Variants in USP24 observed in about 807,000 individuals in gnomAD.
USP24 encodes ubiquitin carboxyl-terminal hydrolase 24.
In USP24, 97 loss-of-function variants were observed where a neutral mutation model predicts 361.6. The ratio of observed to expected loss-of-function variants is 0.27; its 90% CI spans 0.23 to 0.32. The LOEUF (loss-of-function observed/expected upper bound fraction) is 0.32. Among genes scored for constraint, USP24 ranks in the 10% least tolerant of loss-of-function variants. USP24 has a pLI of 1.00. For synonymous variants in USP24, 1,098 were observed against 1,124.6 expected, an observed-to-expected ratio of 0.98 and a Z score of 0.47; for missense variants, 2,353 against 3,165.6, an observed-to-expected ratio of 0.74 and a Z score of 6.16.
intron 1 of USP24, among the ~76,000 whole-genome samples, chr1:55,184,580 T>C (rs1261176314): frequency 6.6e-6 from 1 of 152,106 alleles, no homozygotes; most frequent in Non-Finnish European, 1.5e-5. Context: ...ATAAACCAAA[T>C]AGACCTAAAA....
chr1:55,145,133 G>T (rs1646994362), intron 20 of USP24, among the ~76,000 whole-genome samples: 1 of 152,150 alleles, frequency 6.6e-6, no homozygotes. Flanking sequence ...TTAATTATAT[G>T]TCAGAACAAT....
In USP24 at chr1:55,071,875, C is replaced by T. The variant is rs764118354; in HGVS notation, c.7739G>A (p.Gly2580Glu). ...TALLNEKEQS[G>E]SSNGSESSPA... is the part of the protein sequence containing the mutation. The stretch of plus-strand genomic sequence containing the variant: ...ACTACTCTCCGACCCATTACTGCTT[C>T]CTGATTGCTCTTTTTCATTCAACAA... Residue 2580 changes from glycine to glutamate, a missense_variant, in exon 67 of 68, where the codon GGA becomes GAA. Physicochemically the swap from Gly to Glu is moderately conservative, Grantham distance 98. Around this residue, in one of 8 missense-constraint regions of USP24, gnomAD observed 53 missense variants for 57.7 expected, o/e 0.92. Transcript: ENST00000294383. 2 of 1,613,276 alleles carry T rather than the reference C, an allele frequency of 1.2e-6. No individual in the cohort carries two copies.
chr1:55,182,968 C>G (rs1158499722), intron 1 of USP24, among the ~76,000 whole-genome samples: 1 of 152,168 alleles, frequency 6.6e-6, no homozygotes, highest in Non-Finnish European at 1.5e-5. Flanking sequence ...ATCTGCCCGC[C>G]TGGGCCTCCC....
At chr1:55,159,729 C>A in intron 8 of USP24, 44 bp from the exon 9 acceptor site, 2 of 1,489,342 alleles carry the variant, frequency 1.3e-6, no homozygotes, top group Non-Finnish European at 1.8e-6. Context: ...CGAAGCTGTC[C>A]CAAAAGTAGA....
At chr1:55,195,777 G>GC (rs1644401314) in intron 1 of USP24, among the ~76,000 whole-genome samples, 1 of 152,184 alleles carries the variant, frequency 6.6e-6, no homozygotes, top group Non-Finnish European at 1.5e-5. Context: ...AGTGGTGGGT[G>GC]CCAGGAGCTA....
At chr1:55,214,470 C>G (rs1644931438) in intron 1 of USP24, among the ~76,000 whole-genome samples, 1 of 152,116 alleles carries the variant, frequency 6.6e-6, no homozygotes, top group South Asian at 2.1e-4. Flanking sequence ...GGATGATAGC[C>G]CTGGAGCCTC....
At chr1:55,099,718 C>T (rs924702803) in intron 45 of USP24, 53 bp downstream of exon 45, 24 of 1,292,408 alleles carry the variant, frequency 1.9e-5, no homozygotes, top group Non-Finnish European at 2.6e-5. Flanking sequence ...ACACTATTCT[C>T]ATACTATAAT....
intron 7 of USP24, among the ~76,000 whole-genome samples, chr1:55,163,280 C>A (rs550818923): frequency 1.3e-5 from 2 of 151,718 alleles, no homozygotes; most frequent in Admixed American, 1.3e-4. Context: ...AATTTGACTA[C>A]GTAAAAGTCT....
At chr1:55,207,266 G>A (rs185632580) in intron 1 of USP24, among the ~76,000 whole-genome samples, 65 of 147,620 alleles carry the variant, frequency 4.4e-4, no homozygotes, top group African/African-American at 1.6e-3. Flanking sequence ...GACAATATAG[G>A]AGAAATGGAA....
chr1:55,097,982 T>G lies in USP24; in HGVS notation c.5556A>C (p.Glu1852Asp). 6.2e-7 allele frequency: 1 copy of G among 1,613,510 alleles called. No homozygotes were observed. Among genetic ancestry groups the G allele is most frequent in the Non-Finnish European group, 8.5e-7 (1 of 1,179,726 alleles). Residue 1852 changes from glutamate to aspartate, a missense_variant, in exon 47 of 68, where the codon GAA (glutamate) becomes GAC (aspartate). Physicochemically the swap from Glu to Asp is conservative, Grantham distance 45 (BLOSUM62 2). Around this residue, in one of 8 missense-constraint regions of USP24, gnomAD observed 105 missense variants for 200.3 expected, o/e 0.52. Coordinates refer to ENST00000294383, the MANE Select transcript of USP24 (RefSeq NM_015306.3). ...TTTCACAGTAGTACGCATTACTTCCTTCTAGAACTTCTCCTCTAACAAATT... is the reference window on the plus strand; with the variant it reads ...TTTCACAGTAGTACGCATTACTTCCGTCTAGAACTTCTCCTCTAACAAATT... ...LDQFVRGEVL[E>D]GSNAYYCEKC...
Position 55,121,452 on chromosome 1 carries a change from C to A in USP24, c.4331G>T (p.Gly1444Val). 1.2e-6 allele frequency: 2 copies of A among 1,613,426 alleles called. No individual in the cohort carries two copies. The highest frequency in any genetic ancestry group is 1.7e-6 in the Non-Finnish European group (2 of 1,179,716). ...VADFIIDILL[G>V]SPSAEIRRVA... ...AATCCTTACCTCAGCACTTGGTGATCCGAGCAGAATATCAATGATGAAATC... is the reference window on the plus strand; with the variant it reads ...AATCCTTACCTCAGCACTTGGTGATACGAGCAGAATATCAATGATGAAATC... Residue 1444 changes from glycine to valine, a missense_variant, in exon 37 of 68, where the codon GGA becomes GTA. Gly to Val is a moderately radical substitution (Grantham distance 109, BLOSUM62 -3). Transcript: ENST00000294383.
chr1:55,127,910 C>G (rs1057039005), intron 32 of USP24, among the ~76,000 whole-genome samples: 1 of 152,130 alleles, frequency 6.6e-6, no homozygotes, highest in Non-Finnish European at 1.5e-5. Context: ...TACCTTCCTG[C>G]CTTACACTTG....
intron 5 of USP24, among the ~76,000 whole-genome samples, chr1:55,171,027 CCAAA>C (rs1649392505): frequency 6.6e-6 from 1 of 152,100 alleles, no homozygotes; most frequent in African/African-American, 2.4e-5. Context: ...GTTTCTGAAA[CCAAA>C]CAGTGTTTTA....
At chr1:55,133,623 T>C (rs1317604285) in intron 30 of USP24, among the ~76,000 whole-genome samples, 1 of 145,940 alleles carries the variant, frequency 6.9e-6, no homozygotes, top group Non-Finnish European at 1.5e-5. Flanking sequence ...ATAGCAAAGG[T>C]ATTTCTCTCT....
chr1:55,179,697 T>C (rs1334736426), intron 1 of USP24, among the ~76,000 whole-genome samples: 1 of 152,070 alleles, frequency 6.6e-6, no homozygotes, highest in East Asian at 1.9e-4. Flanking sequence ...TGATTGGACC[T>C]CATACATTTC....
chr1:55,084,544 C>T (rs1395080982), intron 56 of USP24: 1 of 152,350 alleles, frequency 6.6e-6, no homozygotes, highest in Non-Finnish European at 1.5e-5. Flanking sequence ...AGATTTAAGA[C>T]CAGGCTTACT....
intron 66 of USP24, 74 bp from the exon 67 acceptor site, chr1:55,071,998 A>C: frequency 1.5e-6 from 2 of 1,305,990 alleles, no homozygotes; most frequent in Non-Finnish European, 2.2e-6. Context: ...AGGGAAGACT[A>C]CCTTTCATCT....
At chr1:55,140,291 A>G (rs1646852551) in intron 24 of USP24, among the ~76,000 whole-genome samples, 1 of 152,128 alleles carries the variant, frequency 6.6e-6, no homozygotes, top group South Asian at 2.1e-4. Flanking sequence ...GCACATAAAT[A>G]TACTTACATT....
intron 12 of USP24, among the ~76,000 whole-genome samples, chr1:55,155,726 A>C (rs74073053): frequency 0.037 from 5,693 of 152,172 alleles, 341 homozygotes; most frequent in African/African-American, 0.13. Flanking sequence ...TGCCAATGAG[A>C]GGAAGCGCTG....
Sources: gnomAD v4.1 joint callset for allele counts (sites outside exome capture counted in the v4.1 genomes callset) on GRCh38, gnomAD v4.1.1 for gene constraint, gnomAD v4.1.1 regional missense constraint, MANE v1.5 for transcripts, NCBI Gene and HGNC (gene_info 2026-07-23, HGNC 2026-07-21) for gene names.